FBXO28: variants seen among roughly 807,000 people sequenced by gnomAD.
The protein encoded by FBXO28 is F-box only protein 28.
A neutral mutation model predicts 38.1 loss-of-function variants in FBXO28; 8 were observed. The observed-to-expected ratio is 0.21, with a 90% CI of 0.12 to 0.38. The LOEUF (loss-of-function observed/expected upper bound fraction) is 0.38. FBXO28 is among the 10% of genes least tolerant of loss of function. FBXO28 has a pLI of 1.00. For synonymous variants in FBXO28, 168 were observed against 173.8 expected, an observed-to-expected ratio of 0.97 and a Z score of 0.26; for missense variants, 345 against 460.6, an observed-to-expected ratio of 0.75 and a Z score of 2.30.
chr1:224,143,567 G>A (rs1657418024), intron 3 of FBXO28, among the ~76,000 whole-genome samples: 1 of 152,154 alleles, frequency 6.6e-6, no homozygotes, highest in South Asian at 2.1e-4. Flanking sequence ...GCTCACGCCT[G>A]TAATCCCAAC....
intron 1 of FBXO28, among the ~76,000 whole-genome samples, chr1:224,117,165 A>ATGTTTTTTTT (rs1656660605): frequency 8.2e-6 from 1 of 122,192 alleles, no homozygotes. Context: ...AATAAATTGG[A>ATGTTTTTTTT]TTTTTTTTTT....
intron 1 of FBXO28, among the ~76,000 whole-genome samples, chr1:224,117,152 A>G (rs2102606745): frequency 6.8e-6 from 1 of 146,762 alleles, no homozygotes; most frequent in East Asian, 2.0e-4. Flanking sequence ...AAATAAAAAT[A>G]AAAATAAATT....
chr1:224,152,003 C>G (rs1053234108), intron 3 of FBXO28, among the ~76,000 whole-genome samples: 2 of 151,180 alleles, frequency 1.3e-5, no homozygotes, highest in African/African-American at 4.9e-5. Flanking sequence ...GATTGTGCCA[C>G]TGCACTCCAG....
chr1:224,161,852 C>T lies in FBXO28; in HGVS notation c.*4106C>T, dbSNP rs1487563389. ...AAAGTATATTGGTCCATATTCAAAC[C>T]TATTCCAAAAGGTTAGAAGTGTTTA... is the stretch of plus-strand genomic sequence containing the variant. On this transcript the variant is annotated 3_prime_UTR_variant, in exon 5 of 5. Coordinates refer to ENST00000366862, the MANE Select transcript of FBXO28 (RefSeq NM_015176.4). 6.6e-6 allele frequency: 1 copy of T among 152,156 alleles called. No individual in the cohort carries two copies. The highest frequency in any genetic ancestry group is 2.4e-5 in the African/African-American group (1 of 41,424). The allele number at this position is 152,156 out of a possible 1,614,324, so 9.4% of individuals were successfully genotyped here.
intron 1 of FBXO28, among the ~76,000 whole-genome samples, chr1:224,124,091 C>T (rs552800368): frequency 9.9e-5 from 15 of 152,148 alleles, no homozygotes; most frequent in Admixed American, 2.6e-4. Flanking sequence ...GCCTGGGCAA[C>T]GAGAGCAAAA....
intron 3 of FBXO28, among the ~76,000 whole-genome samples, chr1:224,150,124 G>A (rs1657606072): frequency 6.6e-6 from 1 of 152,186 alleles, no homozygotes; most frequent in Non-Finnish European, 1.5e-5. Flanking sequence ...AGGAGTTTGA[G>A]ACCAGCCTGG....
At position 224,160,395 on chromosome 1, in the gene FBXO28, C is replaced by T. The variant is rs760855872; in HGVS notation, c.*2649C>T. ...TTCCTTGGCTGTTTTTCAGAGGAGACGTCTCCATGTTAATGGGTCCTTCCC... is the reference window on the plus strand; with the variant it reads ...TTCCTTGGCTGTTTTTCAGAGGAGATGTCTCCATGTTAATGGGTCCTTCCC... On this transcript the variant is annotated 3_prime_UTR_variant, in exon 5 of 5. Coordinates refer to ENST00000366862, the MANE Select transcript of FBXO28 (RefSeq NM_015176.4). 5.3e-5 allele frequency: 8 copies of T among 152,132 alleles called. No individual in the cohort carries two copies. Among genetic ancestry groups the T allele is most frequent in the East Asian group, 1.9e-4 (1 of 5,190 alleles). The allele number at this position is 152,132 out of a possible 1,614,324, so 9.4% of individuals were successfully genotyped here. A position where few individuals can be genotyped will look rare whatever the true frequency, so the allele number is the denominator to read the frequency against.
Position 224,128,248 on chromosome 1 carries a change from T to A in FBXO28, c.268-2224T>A, listed in dbSNP as rs189777373. ...GTCTTTTTTTATTATTATTATTATT[T>A]TTTTTTATTTTATTTTTTTAACTGT... On this transcript the variant is annotated intron_variant, in intron 1 of 4. Coordinates refer to ENST00000366862, the MANE Select transcript of FBXO28 (RefSeq NM_015176.4). 5.3e-3 allele frequency among the ~76,000 whole-genome samples: 790 copies of A among 149,486 alleles called. 5 individuals are homozygous for A. Among genetic ancestry groups the A allele is most frequent in the African/African-American group, 0.012 (474 of 39,640 alleles).
In FBXO28 at chr1:224,146,540, C is replaced by G. The variant is rs549389707; in HGVS notation, c.517-6602C>G. 3.3e-5 allele frequency among the ~76,000 whole-genome samples: 5 copies of G among 152,216 alleles called. No homozygotes were observed. In the East Asian group the frequency reaches 9.6e-4, roughly 29 times the overall value. On this transcript the variant is annotated intron_variant, in intron 3 of 4. Transcript: ENST00000366862. ...CATTTTAGACATAAGCGTGGTACTT[C>G]TACTGTGTGTTAGAAATGTGATGGT... is the stretch of plus-strand genomic sequence containing the variant.
At chr1:224,144,183 G>C (rs568447117) in intron 3 of FBXO28, among the ~76,000 whole-genome samples, 4 of 150,834 alleles carry the variant, frequency 2.7e-5, no homozygotes, top group Non-Finnish European at 5.9e-5. Context: ...GAATGAATGG[G>C]CCAGGTGTGG....
Position 224,125,994 on chromosome 1 carries a change from C to G in FBXO28, c.268-4478C>G, listed in dbSNP as rs1656894762. On this transcript the variant is annotated intron_variant, in intron 1 of 4. Coordinates refer to ENST00000366862, the MANE Select transcript of FBXO28 (RefSeq NM_015176.4). ...TCAAAACATGGGAAATTTTATTCCT[C>G]TCAGCTTGGCCCACACATCTCATCT... is the stretch of plus-strand genomic sequence containing the variant. Among the ~76,000 whole-genome samples the G allele has an allele frequency of 2.0e-5, 3 of 152,200 alleles. No individual in the cohort carries two copies. In the South Asian group the frequency reaches 6.2e-4, roughly 32 times the overall value.
chr1:224,145,801 ACT>A (rs1238173892), intron 3 of FBXO28, among the ~76,000 whole-genome samples: 1 of 151,926 alleles, frequency 6.6e-6, no homozygotes, highest in Non-Finnish European at 1.5e-5. Context: ...AGGCGCAGTG[ACT>A]CACACCTGTA....
chr1:224,135,777 C>G (rs1657168199), intron 3 of FBXO28, among the ~76,000 whole-genome samples: 1 of 152,084 alleles, frequency 6.6e-6, no homozygotes, highest in Admixed American at 6.6e-5. Flanking sequence ...TGGCTCACAC[C>G]TGTAATCCCC....
intron 3 of FBXO28, among the ~76,000 whole-genome samples, chr1:224,144,320 G>A (rs1339445641): frequency 6.6e-6 from 1 of 151,982 alleles, no homozygotes; most frequent in East Asian, 1.9e-4. Flanking sequence ...AAATTGCCAG[G>A]CATGGTGGCA....
At chr1:224,144,467 AAAAC>A (rs1323193876) in intron 3 of FBXO28, among the ~76,000 whole-genome samples, 1 of 152,032 alleles carries the variant, frequency 6.6e-6, no homozygotes, top group African/African-American at 2.4e-5. Flanking sequence ...GTCTCAAAAA[AAAAC>A]AAAAAAGGCT....
chr1:224,145,015 C>T (rs1431240434), intron 3 of FBXO28, among the ~76,000 whole-genome samples: 5 of 151,804 alleles, frequency 3.3e-5, no homozygotes, highest in African/African-American at 1.2e-4. Context: ...GGCGCGGTGG[C>T]TCACACCTAT....
chr1:224,133,016 C>A (rs1418332849), intron 2 of FBXO28, among the ~76,000 whole-genome samples: 1 of 151,978 alleles, frequency 6.6e-6, no homozygotes, highest in Non-Finnish European at 1.5e-5. Context: ...GATGAGCAAA[C>A]AAAGTATGAT....
intron 4 of FBXO28, among the ~76,000 whole-genome samples, chr1:224,156,208 A>G (rs1657768832): frequency 6.6e-6 from 1 of 152,220 alleles, no homozygotes; most frequent in Non-Finnish European, 1.5e-5. Flanking sequence ...TTTAAAAGAA[A>G]GTAGGTTCTT....
At chr1:224,136,778 G>A (rs1287557107) in intron 3 of FBXO28, among the ~76,000 whole-genome samples, 2 of 151,256 alleles carry the variant, frequency 1.3e-5, no homozygotes, top group African/African-American at 4.9e-5. Flanking sequence ...TTGAGATGGG[G>A]TCTCGTTCTG....
Sources: allele counts gnomAD v4.1 joint callset (sites outside exome capture counted in the v4.1 genomes callset), GRCh38; gene constraint gnomAD v4.1.1; transcripts MANE v1.5; gene names NCBI Gene and HGNC (gene_info 2026-07-23, HGNC 2026-07-21).